Variants in MYOM2 observed in about 807,000 individuals in gnomAD.
The protein encoded by MYOM2 is myomesin-2.
A neutral mutation model predicts 187.6 loss-of-function variants in MYOM2; 254 were observed. The observed-to-expected ratio is 1.35, with a 90% confidence interval of 1.22 to 1.50. MYOM2 has a LOEUF of 1.50. MYOM2 is among the 40% of genes most tolerant of loss of function. The pLI is 0.00. For missense variants in MYOM2, 2,796 were observed against 1,924.0 expected (o/e 1.45, Z -8.48); for synonymous variants, 981 against 753.8 (o/e 1.30, Z -4.94).
chr8:2,143,075 C>T (rs751750739), intron 35 of MYOM2, among the ~76,000 whole-genome samples: 10 of 151,964 alleles, frequency 6.6e-5, no homozygotes, highest in Non-Finnish European at 1.2e-4. Flanking sequence ...TCACTTTCTG[C>T]CCAACTCAGG....
At chr8:2,132,605 G>C (rs1055518637) in intron 32 of MYOM2, among the ~76,000 whole-genome samples, 1 of 151,002 alleles carries the variant, frequency 6.6e-6, no homozygotes, top group Non-Finnish European at 1.5e-5. Flanking sequence ...CTCTTTTTTT[G>C]AGACAGAGTC....
chr8:2,068,309 C>A (rs546877906), intron 6 of MYOM2, among the ~76,000 whole-genome samples: 1 of 150,382 alleles, frequency 6.6e-6, no homozygotes, highest in African/African-American at 2.5e-5. Flanking sequence ...CTCTTCAATG[C>A]CTGTGTGTAC....
intron 31 of MYOM2, among the ~76,000 whole-genome samples, chr8:2,127,354 C>T (rs953053882): frequency 1.1e-4 from 16 of 152,128 alleles, no homozygotes; most frequent in African/African-American, 3.9e-4. Context: ...GATGCAGGGA[C>T]CCTCCAAGTC....
chr8:2,113,424 A>G (rs1797132500), intron 25 of MYOM2, among the ~76,000 whole-genome samples: 1 of 152,136 alleles, frequency 6.6e-6, no homozygotes, highest in Non-Finnish European at 1.5e-5. Context: ...GTGAGCTGGG[A>G]GCAGGTGAAG....
At chr8:2,097,022 C>A (rs1226338554) in intron 18 of MYOM2, 2 of 653,760 alleles carry the variant, frequency 3.1e-6, no homozygotes, top group South Asian at 1.3e-4. Flanking sequence ...GCCCTTGACC[C>A]CTCATCTGAG....
At chr8:2,127,360 A>G (rs1797684723) in intron 31 of MYOM2, among the ~76,000 whole-genome samples, 1 of 152,096 alleles carries the variant, frequency 6.6e-6, no homozygotes, top group Non-Finnish European at 1.5e-5. Flanking sequence ...GGGACCCTCC[A>G]AGTCCTGAGC....
chr8:2,106,619 C>T, intron 23 of MYOM2, 22 bp downstream of exon 23: 2 of 1,536,146 alleles, frequency 1.3e-6, no homozygotes, highest in African/African-American at 1.4e-5. Flanking sequence ...ATGGCAGAAC[C>T]TTGCCTGTTT....
intron 13 of MYOM2, among the ~76,000 whole-genome samples, chr8:2,083,499 G>T (rs192595261): frequency 6.6e-6 from 1 of 152,254 alleles, no homozygotes; most frequent in Admixed American, 6.5e-5. Flanking sequence ...GGCATCTCAT[G>T]TGTGACTAGC....
At chr8:2,092,720 C>T (rs189548678) in intron 16 of MYOM2, among the ~76,000 whole-genome samples, 200 bp downstream of exon 16, 1 of 151,924 alleles carries the variant, frequency 6.6e-6, no homozygotes, top group African/African-American at 2.4e-5. Context: ...TCATGTCGAC[C>T]GAAACGATTT....
At position 2,108,834 on chromosome 8, in the gene MYOM2, A is replaced by G. The variant is rs1444734964; in HGVS notation, c.3043+4A>G. On this transcript the variant is annotated splice_donor_region_variant and intron_variant, in intron 24 of 36. Coordinates refer to ENST00000262113, the MANE Select transcript of MYOM2 (RefSeq NM_003970.4). ...AGCAATGAAATAAAGAACCCCAGTA[A>G]GTAAGCCTCCAGCCCTTCCCCTCTG... 1 of 1,613,952 alleles carries G rather than the reference A, an allele frequency of 6.2e-7. No homozygotes were observed. The highest frequency in any genetic ancestry group is 1.7e-5 in the Admixed American group (1 of 60,002).
chr8:2,143,311 C>A, intron 35 of MYOM2, 90 bp from the exon 36 acceptor site: 1 of 1,428,866 alleles, frequency 7.0e-7, no homozygotes, highest in Non-Finnish European at 9.9e-7. Context: ...TCACCACATT[C>A]ACCTTGGTAC....
intron 32 of MYOM2, among the ~76,000 whole-genome samples, chr8:2,137,257 G>C (rs1798111039): frequency 1.3e-5 from 2 of 151,946 alleles, no homozygotes; most frequent in South Asian, 4.2e-4. Context: ...CTCACACAGG[G>C]TGATGAGCTC....
intron 21 of MYOM2, 68 bp downstream of exon 21, chr8:2,102,849 G>A (rs1585910738): frequency 8.0e-7 from 1 of 1,251,606 alleles, no homozygotes; most frequent in Non-Finnish European, 1.2e-6. Flanking sequence ...TATTATGGAT[G>A]TATGGATGAG....
At chr8:2,046,936 T>C (rs998995949) in intron 1 of MYOM2, among the ~76,000 whole-genome samples, 1 of 152,042 alleles carries the variant, frequency 6.6e-6, no homozygotes, top group African/African-American at 2.4e-5. Context: ...AATCTGAAGA[T>C]CAGAAATCCA....
At chr8:2,124,295 C>A in intron 31 of MYOM2, 78 bp downstream of exon 31, 1 of 1,391,714 alleles carries the variant, frequency 7.2e-7, no homozygotes. Context: ...GTCACTGCTG[C>A]AAAAGAGGGC....
rs774658374 is a variant in MYOM2, at chr8:2,078,735, T to A, written c.1264T>A (p.Cys422Ser). The A allele has an allele frequency of 3.7e-6, 6 of 1,613,976 alleles. No homozygotes were observed. Among genetic ancestry groups the A allele is most frequent in the Non-Finnish European group, 5.1e-6 (6 of 1,179,986 alleles). ...SPVMGYFVDR[C>S]EVGTNNWVQC... ...TGTTTTTCTTTTTTTAACTTGAAGATGTGAAGTAGGAACGAATAATTGGGT... is the reference window on the plus strand; with the variant it reads ...TGTTTTTCTTTTTTTAACTTGAAGAAGTGAAGTAGGAACGAATAATTGGGT... The change falls in exon 12 of 37, where the codon TGT (cysteine) becomes AGT (serine). Residue 422 changes from cysteine (C) to serine (S), a missense_variant and splice_region_variant. By Grantham distance (112) the Cys-to-Ser change is moderately radical. Transcript: ENST00000262113.
chr8:2,099,071 C>T (rs1796598028), intron 19 of MYOM2, 88 bp downstream of exon 19: 1 of 1,448,472 alleles, frequency 6.9e-7, no homozygotes, highest in Non-Finnish European at 9.2e-7. Flanking sequence ...GACTCGCCAG[C>T]CTTCACAGCG....
chr8:2,049,323 C>T (rs1035877146), intron 1 of MYOM2, among the ~76,000 whole-genome samples: 4 of 152,186 alleles, frequency 2.6e-5, no homozygotes, highest in African/African-American at 9.7e-5. Context: ...AGAATTTCTC[C>T]TTTCTGGCCC....
At chr8:2,093,939 C>T (rs372785504) in intron 16 of MYOM2, 31 bp from the exon 17 acceptor site, 17 of 1,605,616 alleles carry the variant, frequency 1.1e-5, no homozygotes, top group Non-Finnish European at 1.4e-5. Context: ...TGGAGCCTGG[C>T]AGTTCTGACC....
Sources: allele counts gnomAD v4.1 joint callset (sites outside exome capture counted in the v4.1 genomes callset), GRCh38; gene constraint gnomAD v4.1.1; transcripts MANE v1.5; gene names NCBI Gene and HGNC (gene_info 2026-07-23, HGNC 2026-07-21).